Variants in ANO2 observed in about 807,000 individuals in gnomAD.
ANO2 encodes the protein anoctamin-2.
Under a neutral mutation model 124.2 loss-of-function variants are expected in ANO2, and 101 were observed. The ratio of observed to expected loss-of-function variants is 0.81; its 90% CI spans 0.69 to 0.96. ANO2 has a LOEUF of 0.96. Ranked by LOEUF, ANO2 falls within the 40% of genes least tolerant of loss-of-function variation. ANO2 has a pLI of 0.00. For synonymous variants in ANO2, 486 were observed against 482.5 expected (o/e 1.01, Z -0.09); for missense variants, 1,293 against 1,274.5 (o/e 1.01, Z -0.22).
intron 15 of ANO2, among the ~76,000 whole-genome samples, chr12:5,642,376 T>C (rs1946429646): frequency 6.6e-6 from 1 of 152,216 alleles, no homozygotes; most frequent in Admixed American, 6.5e-5. Flanking sequence ...GGAGGGCAAC[T>C]GAGTTAAGGA....
Position 5,921,207 on chromosome 12 carries a change from G to T in ANO2, c.367C>A (p.Leu123Met). ...HLAQGFPGHS[L>M]AIVSNGETGK... Reference sequence around the variant, plus strand: ...GTCTCCCCATTGGAGACGATAGCCAGCGAGTGGCCAGGGAAGCCTTGGGCC... The same window carrying T: ...GTCTCCCCATTGGAGACGATAGCCATCGAGTGGCCAGGGAAGCCTTGGGCC... Residue 123 changes from leucine (L) to methionine (M), a missense_variant, in exon 3 of 25, where the codon CTG becomes ATG. Physicochemically the swap from Leu to Met is conservative, Grantham distance 15. Coordinates refer to ENST00000682330, the MANE Select transcript of ANO2 (RefSeq NM_001364791.2). 1 of 1,613,968 alleles carries T rather than the reference G, an allele frequency of 6.2e-7. No individual in the cohort carries two copies. Among genetic ancestry groups the T allele is most frequent in the Non-Finnish European group, 8.5e-7 (1 of 1,179,850 alleles).
intron 4 of ANO2, among the ~76,000 whole-genome samples, chr12:5,851,340 T>C (rs1425864029): frequency 6.6e-6 from 1 of 152,106 alleles, no homozygotes; most frequent in Non-Finnish European, 1.5e-5. Context: ...CAAGCACTAC[T>C]GGGGAAGCCA....
chr12:5,827,748 C>A (rs754116327), intron 7 of ANO2, 21 bp downstream of exon 7: 1 of 1,604,734 alleles, frequency 6.2e-7, no homozygotes, highest in Non-Finnish European at 8.5e-7. Flanking sequence ...CAGCACCCTG[C>A]CCGCGGGCTG....
intron 14 of ANO2, among the ~76,000 whole-genome samples, chr12:5,710,892 TGGCTCACACCTGTAATC>T (rs1360646941): frequency 6.6e-6 from 1 of 152,174 alleles, no homozygotes; most frequent in Non-Finnish European, 1.5e-5. Flanking sequence ...CCGGGCGCGG[TGGCTCACACCTGTAATC>T]CCAGCACTTT....
chr12:5,649,409 A>G (rs1424017477), intron 14 of ANO2, among the ~76,000 whole-genome samples: 1 of 152,218 alleles, frequency 6.6e-6, no homozygotes, highest in Non-Finnish European at 1.5e-5. Flanking sequence ...TCCATCACAC[A>G]ATGAGAACAA....
chr12:5,854,170 A>G (rs1424731418), intron 3 of ANO2, 29 bp from the exon 4 acceptor site: 4 of 1,585,382 alleles, frequency 2.5e-6, no homozygotes, highest in Non-Finnish European at 3.5e-6. Flanking sequence ...GAACAAATGG[A>G]AACACTTGTA....
intron 3 of ANO2, among the ~76,000 whole-genome samples, chr12:5,911,028 G>A (rs1489307485): frequency 6.6e-6 from 1 of 152,160 alleles, no homozygotes; most frequent in Non-Finnish European, 1.5e-5. Flanking sequence ...GGCAGGGAGA[G>A]GGAAGTTGAT....
At chr12:5,640,496 A>G (rs920636720) in intron 15 of ANO2, among the ~76,000 whole-genome samples, 1 of 152,204 alleles carries the variant, frequency 6.6e-6, no homozygotes, top group Non-Finnish European at 1.5e-5. Context: ...AAGGGCTAAT[A>G]TCCTGAATCT....
At chr12:5,895,627 T>C (rs994224023) in intron 3 of ANO2, among the ~76,000 whole-genome samples, 1 of 151,984 alleles carries the variant, frequency 6.6e-6, no homozygotes, top group African/African-American at 2.4e-5. Context: ...TAAAAAGTCA[T>C]AAAACAATAG....
At chr12:5,810,927 T>C (rs1332861244) in intron 7 of ANO2, among the ~76,000 whole-genome samples, 1 of 152,188 alleles carries the variant, frequency 6.6e-6, no homozygotes, top group Non-Finnish European at 1.5e-5. Flanking sequence ...GGCCCCAGCA[T>C]TGGTACCTGA....
intron 3 of ANO2, among the ~76,000 whole-genome samples, chr12:5,895,542 A>C (rs1939722506): frequency 6.6e-6 from 1 of 152,194 alleles, no homozygotes. Context: ...AATGTTCAAC[A>C]TCACTAATCA....
chr12:5,615,204 A>C lies in ANO2; in HGVS notation c.1910T>G (p.Val637Gly), dbSNP rs1944739422. 13 of 1,613,564 alleles carry C rather than the reference A, an allele frequency of 8.1e-6. No individual in the cohort carries two copies. Among genetic ancestry groups the C allele is most frequent in the Non-Finnish European group, 1.0e-5 (12 of 1,179,736 alleles). Residue 637 changes from valine (V) to glycine (G), a missense_variant, in exon 17 of 25, where the codon GTG becomes GGG. Transcript: ENST00000682330. ...TACTCACCTCCCTTTGAAAAAGGCC[A>C]CATAGAAGATGGGGGAGTAGGCATT... Reference protein sequence around the residue: ...FVNAYSPIFYVAFFKGRFVGR... With the variant: ...FVNAYSPIFYGAFFKGRFVGR...
chr12:5,847,286 G>C (rs891671918), intron 4 of ANO2, among the ~76,000 whole-genome samples: 2 of 152,182 alleles, frequency 1.3e-5, no homozygotes, highest in African/African-American at 4.8e-5. Context: ...CTTGGGTCTT[G>C]AGGCTGCTGG....
intron 15 of ANO2, among the ~76,000 whole-genome samples, chr12:5,639,294 C>A (rs140996697): frequency 9.5e-4 from 144 of 152,274 alleles, no homozygotes; most frequent in African/African-American, 3.3e-3. Flanking sequence ...CGACATAGTA[C>A]GCTGCCTATG....
At chr12:5,884,161 C>T (rs1938716042) in intron 3 of ANO2, among the ~76,000 whole-genome samples, 1 of 152,192 alleles carries the variant, frequency 6.6e-6, no homozygotes, top group African/African-American at 2.4e-5. Flanking sequence ...GGGCCTCTCA[C>T]CAGTCAAGGT....
intron 3 of ANO2, among the ~76,000 whole-genome samples, chr12:5,876,837 G>C (rs761216255): frequency 6.6e-6 from 1 of 152,132 alleles, no homozygotes; most frequent in Non-Finnish European, 1.5e-5. Flanking sequence ...AGGGGTAGGG[G>C]GTTAGGGGAG....
rs192961839 is a variant in ANO2, at chr12:5,860,319, C to T, written c.535-6178G>A. On this transcript the variant is annotated intron_variant, in intron 3 of 24. Transcript: ENST00000682330. ...GTCTTTCTCCTTCACAGCACGGACC[C>T]ACTATCACAATCATTGTGTCACTAA... 9.2e-5 allele frequency among the ~76,000 whole-genome samples: 14 copies of T among 152,312 alleles called. No homozygotes were observed. The East Asian group carries it at 2.7e-3, about 29-fold the overall frequency.
At chr12:5,665,878 C>T (rs1447195466) in intron 14 of ANO2, among the ~76,000 whole-genome samples, 2 of 152,044 alleles carry the variant, frequency 1.3e-5, no homozygotes, top group Non-Finnish European at 2.9e-5. Flanking sequence ...CCCTGTGCCA[C>T]TGGCTGGGGG....
chr12:5,817,957 A>G (rs1390285510), intron 7 of ANO2, among the ~76,000 whole-genome samples: 1 of 152,172 alleles, frequency 6.6e-6, no homozygotes, highest in African/African-American at 2.4e-5. Context: ...ACAGAAGGAG[A>G]GCAGTTGAGT....
Sources: allele counts gnomAD v4.1 joint callset (sites outside exome capture counted in the v4.1 genomes callset), GRCh38; gene constraint gnomAD v4.1.1; transcripts MANE v1.5; gene names NCBI Gene and HGNC (gene_info 2026-07-23, HGNC 2026-07-21).